Variants in FAM107A observed in about 807,000 individuals in gnomAD.
FAM107A encodes the protein actin-associated protein FAM107A.
FAM107A carries 19 observed loss-of-function variants against 13.7 expected under a neutral mutation model. That is an observed-to-expected ratio of 1.38 (90% CI 0.97 to 2.03). FAM107A has a LOEUF of 2.03. Among genes scored for constraint, FAM107A ranks in the 30% most tolerant of loss-of-function variants. FAM107A has a pLI of 0.00. For missense variants in FAM107A, 203 were observed against 184.4 expected, an observed-to-expected ratio of 1.10 and a Z score of -0.58; for synonymous variants, 82 against 74.5, an observed-to-expected ratio of 1.10 and a Z score of -0.52.
rs144661690 is a variant in FAM107A, at chr3:58,593,272, T to C, written c.-69-4003A>G. On this transcript the variant is annotated intron_variant, in intron 1 of 3. Coordinates refer to the FAM107A transcript ENST00000465970. ...GAGCCTAATACATCCCTTCATTCTA[T>C]TAGGTCTATTCGTCCTTACCCTACT... Among the ~76,000 whole-genome samples the C allele has an allele frequency of 3.3e-5, 5 of 152,354 alleles. No homozygotes were observed. The East Asian group carries it at 9.6e-4, about 29-fold the overall frequency.
In FAM107A at chr3:58,569,029, AG is replaced by A. The variant is rs1435945641; in HGVS notation, c.170+661del. On this transcript the variant is annotated intron_variant, in intron 2 of 3. Coordinates refer to ENST00000360997, the MANE Select transcript of FAM107A (RefSeq NM_001076778.3). This position sits in a 1 kb window ranked among gnomAD's most constrained non-coding sequence, Gnocchi z 5.7. ...GTGAGCTCCCCCATCCCACCTCACCAGACGGGCCCACCACACCTTGTGCCCC... is the reference window on the plus strand; with the variant it reads ...GTGAGCTCCCCCATCCCACCTCACCAACGGGCCCACCACACCTTGTGCCCC... Among the ~76,000 whole-genome samples the A allele has an allele frequency of 6.6e-6, 1 of 152,166 alleles. No individual in the cohort carries two copies. Among genetic ancestry groups the A allele is most frequent in the African/African-American group, 2.4e-5 (1 of 41,430 alleles).
chr3:58,584,734 A>T (rs540095684), intron 1 of FAM107A, among the ~76,000 whole-genome samples: 1 of 152,314 alleles, frequency 6.6e-6, no homozygotes, highest in East Asian at 1.9e-4. Flanking sequence ...CCATTTACAT[A>T]GGGCATGCAC....
Position 58,617,982 on chromosome 3 carries a change from C to A in FAM107A, c.-70+9434G>T, listed in dbSNP as rs1036910418. Among the ~76,000 whole-genome samples the A allele has an allele frequency of 6.6e-6, 1 of 152,172 alleles. No individual in the cohort carries two copies. The highest frequency in any genetic ancestry group is 1.5e-5 in the Non-Finnish European group (1 of 68,032). On this transcript the variant is annotated intron_variant, in intron 1 of 3. Coordinates refer to the FAM107A transcript ENST00000465970. This position sits in a 1 kb window ranked among gnomAD's most constrained non-coding sequence, Gnocchi z 4.5. ...ACTTGTTGGCTCTGTGATCTTGAGACGTGAACTCAACCTCTTTGAGTCGAG... is the reference window on the plus strand; with the variant it reads ...ACTTGTTGGCTCTGTGATCTTGAGAAGTGAACTCAACCTCTTTGAGTCGAG...
chr3:58,582,299 A>C (rs931127679), upstream of FAM107A, among the ~76,000 whole-genome samples: 3 of 152,218 alleles, frequency 2.0e-5, no homozygotes, highest in South Asian at 2.1e-4. Flanking sequence ...TTTATCTGGC[A>C]GCCCTACCTG....
rs117467554 is a variant in FAM107A at position 58,624,883 on chromosome 3, G to A, written c.-70+2533C>T. On this transcript the variant is annotated intron_variant, in intron 1 of 3. Transcript: ENST00000465970. Reference sequence around the variant, plus strand: ...ATTAGTCTCTGCAACTGACAGGGACGGCCTCAAGGGCAGGGGCTGTGTCTC... The same window carrying A: ...ATTAGTCTCTGCAACTGACAGGGACAGCCTCAAGGGCAGGGGCTGTGTCTC... Among the ~76,000 whole-genome samples the A allele has an allele frequency of 9.0e-3, 1,377 of 152,268 alleles. 65 individuals are homozygous for A. The East Asian group carries it at 0.15, about 16-fold the overall frequency.
chr3:58,569,158 T>G lies in FAM107A; in HGVS notation c.170+533A>C, dbSNP rs2063655031. ...CTCCTGTTTCCTGTTCATTTACATA[T>G]GAGGTTCCCTCTGCCATCCAGCACC... On this transcript the variant is annotated intron_variant, in intron 2 of 3. Coordinates refer to ENST00000360997, the MANE Select transcript of FAM107A (RefSeq NM_001076778.3). This position sits in a 1 kb window ranked among gnomAD's most constrained non-coding sequence, Gnocchi z 5.7. Among the ~76,000 whole-genome samples, 1 of 152,190 alleles carries G rather than the reference T, an allele frequency of 6.6e-6. No homozygotes were observed. The highest frequency in any genetic ancestry group is 1.5e-5 in the Non-Finnish European group (1 of 68,034).
chr3:58,567,144 A>G lies in FAM107A; in HGVS notation c.327+64T>C, dbSNP rs774406181. On this transcript the variant is annotated intron_variant, in intron 3 of 3. Transcript: ENST00000360997. ...CCCTCTTACTAGCTGTGGCCACAGC[A>G]GAGCTCCTCCCTGGAGGACAGCCCT... 3.2e-6 allele frequency: 5 copies of G among 1,586,774 alleles called. No homozygotes were observed. In the South Asian group the frequency reaches 5.5e-5, roughly 18 times the overall value.
chr3:58,577,343 A>G lies in FAM107A; in HGVS notation c.-40T>C, dbSNP rs2063739017. On this transcript the variant is annotated 5_prime_UTR_variant, in exon 1 of 4. Coordinates refer to ENST00000360997, the MANE Select transcript of FAM107A (RefSeq NM_001076778.3). This position sits in a 1 kb window ranked among gnomAD's most constrained non-coding sequence, Gnocchi z 4.9. ...CGAGTCCTTGGGAAGGGAAGTCAGG[A>G]GCGTGTTGCTGGGTTCCTCACTCCA... is the stretch of plus-strand genomic sequence containing the variant. 13 of 985,298 alleles carry G rather than the reference A, an allele frequency of 1.3e-5. No homozygotes were observed. The South Asian group carries it at 3.8e-4, about 28-fold the overall frequency. The allele number at this position is 985,298 out of a possible 1,614,324, so 61.0% of individuals were successfully genotyped here.
At chr3:58,616,566 CA>C (rs1559487534) in intron 1 of FAM107A, among the ~76,000 whole-genome samples, 4 of 146,866 alleles carry the variant, frequency 2.7e-5, no homozygotes, top group South Asian at 2.2e-4. Flanking sequence ...CACACACACA[CA>C]CCACCACTAC....
intron 1 of FAM107A, among the ~76,000 whole-genome samples, chr3:58,621,572 G>A (rs574102105): frequency 1.1e-4 from 16 of 152,238 alleles, no homozygotes; most frequent in African/African-American, 3.6e-4. Flanking sequence ...GAGACCCAAG[G>A]GCAAGCATGC....
intron 1 of FAM107A, among the ~76,000 whole-genome samples, chr3:58,603,225 A>T (rs1481746541): frequency 6.6e-6 from 1 of 152,200 alleles, no homozygotes; most frequent in Non-Finnish European, 1.5e-5. Context: ...GCTTGTGCAC[A>T]TTAGAAGCTC....
upstream of FAM107A, chr3:58,577,580 C>T (rs1476462203): frequency 2.0e-6 from 2 of 985,320 alleles, no homozygotes; most frequent in Non-Finnish European, 2.4e-6. The surrounding 1 kb of genome is among the most constrained non-coding windows in gnomAD (Gnocchi z 4.9). Flanking sequence ...GTCCAAGCCA[C>T]ACGCTTGAGA....
chr3:58,590,430 C>T (rs1284725664), upstream of FAM107A, among the ~76,000 whole-genome samples: 1 of 152,208 alleles, frequency 6.6e-6, no homozygotes, highest in African/African-American at 2.4e-5. Context: ...AGCCTGAGTA[C>T]CACTGAATGC....
chr3:58,578,529 C>T (rs193222009), upstream of FAM107A, among the ~76,000 whole-genome samples: 6 of 152,280 alleles, frequency 3.9e-5, no homozygotes, highest in Admixed American at 3.9e-4. Flanking sequence ...GATTGGGCCA[C>T]TGCACTCCAG....
intron 1 of FAM107A, among the ~76,000 whole-genome samples, chr3:58,585,226 C>A (rs1035297587): frequency 1.3e-5 from 2 of 152,242 alleles, no homozygotes; most frequent in Admixed American, 6.5e-5. Context: ...ATTAGGGAGA[C>A]CCCCTCCGCA....
chr3:58,610,542 C>T (rs940809459), intron 1 of FAM107A, among the ~76,000 whole-genome samples: 1 of 152,222 alleles, frequency 6.6e-6, no homozygotes, highest in African/African-American at 2.4e-5. Flanking sequence ...ACCCTCTTAA[C>T]TTCTCCATGC....
upstream of FAM107A, among the ~76,000 whole-genome samples, chr3:58,590,874 T>G (rs1325412683): frequency 2.0e-5 from 3 of 152,190 alleles, no homozygotes; most frequent in African/African-American, 4.8e-5. Flanking sequence ...GACTCCAGAT[T>G]GAGCTTTTAA....
intron 1 of FAM107A, among the ~76,000 whole-genome samples, chr3:58,606,639 C>T (rs2065797447): frequency 6.6e-6 from 1 of 152,222 alleles, no homozygotes; most frequent in Non-Finnish European, 1.5e-5. Flanking sequence ...TGAGCTTAAT[C>T]CAGTCTGTTG....
chr3:58,624,050 C>T (rs1040057225), intron 1 of FAM107A, among the ~76,000 whole-genome samples: 2 of 152,156 alleles, frequency 1.3e-5, no homozygotes, highest in Non-Finnish European at 2.9e-5. Flanking sequence ...TGTCTATGAA[C>T]TGGCTGGTGT....
Sources: gnomAD v4.1 joint callset for allele counts (sites outside exome capture counted in the v4.1 genomes callset) on GRCh38, gnomAD v4.1.1 for gene constraint, Gnocchi (gnomAD v3.1) non-coding constraint, MANE v1.5 for transcripts, NCBI Gene and HGNC (gene_info 2026-07-23, HGNC 2026-07-21) for gene names.